The following ROBO2 variants were observed in gnomAD, a reference collection of about 807,000 sequenced individuals.
ROBO2 encodes roundabout guidance receptor 2.
Under a neutral mutation model 160.8 loss-of-function variants are expected in ROBO2, and 53 were observed. That is an observed-to-expected ratio of 0.33 (90% confidence interval 0.26 to 0.41). The LOEUF is 0.41. Among genes scored for constraint, ROBO2 ranks in the 10% least tolerant of loss-of-function variants. ROBO2 has a pLI of 1.00. For missense variants in ROBO2, 1,577 were observed against 1,722.4 expected (o/e 0.92, Z 1.49); for synonymous variants, 664 against 611.7 (o/e 1.09, Z -1.26).
intron 2 of ROBO2, among the ~76,000 whole-genome samples, chr3:76,106,892 A>G (rs968603796): frequency 6.6e-6 from 1 of 152,106 alleles, no homozygotes; most frequent in East Asian, 1.9e-4. Flanking sequence ...TGCTACCACA[A>G]GGGGTACTCT....
At chr3:76,237,190 C>G (rs915451452) in intron 2 of ROBO2, among the ~76,000 whole-genome samples, 6 of 152,024 alleles carry the variant, frequency 3.9e-5, no homozygotes, top group Admixed American at 3.3e-4. Flanking sequence ...TTTCCATACT[C>G]AAACAATGTA....
intron 3 of ROBO2, among the ~76,000 whole-genome samples, chr3:77,479,424 C>A (rs1173872890): frequency 6.6e-6 from 1 of 152,112 alleles, no homozygotes; most frequent in Non-Finnish European, 1.5e-5. Context: ...GAGAGCTTCC[C>A]TCTCTGTTCT....
chr3:77,434,419 C>T (rs946705003), intron 2 of ROBO2, among the ~76,000 whole-genome samples: 1 of 152,082 alleles, frequency 6.6e-6, no homozygotes, highest in African/African-American at 2.4e-5. Flanking sequence ...TCTAGAAAGA[C>T]AAGAGCTGTA....
At chr3:77,287,267 T>A (rs1358523864) in intron 2 of ROBO2, among the ~76,000 whole-genome samples, 1 of 152,124 alleles carries the variant, frequency 6.6e-6, no homozygotes, top group African/African-American at 2.4e-5. Flanking sequence ...AAAAATCTTA[T>A]AGCGTAGAAT....
chr3:76,024,649 G>T (rs952304771), intron 2 of ROBO2, among the ~76,000 whole-genome samples: 7 of 151,584 alleles, frequency 4.6e-5, no homozygotes, highest in Non-Finnish European at 1.0e-4. Flanking sequence ...TATTTTCTTT[G>T]CAGTTTAAAA....
At position 75,971,371 on chromosome 3, in the gene ROBO2, G is replaced by A. The variant is rs147571136; in HGVS notation, c.109+33769G>A. Among the ~76,000 whole-genome samples, 145 of 151,464 alleles carry A rather than the reference G, an allele frequency of 9.6e-4. 3 individuals carry two copies. The East Asian group carries it at 0.023, about 24-fold the overall frequency. On this transcript the variant is annotated intron_variant, in intron 2 of 26. Transcript: ENST00000487694. The stretch of plus-strand genomic sequence containing the variant: ...TTTAAGTAATATTTGAGTGATGAAG[G>A]CATCAAAAACTTGGAACAAAATAAG...
chr3:77,574,630 C>A, exon 14 of ROBO2: 1 of 1,613,212 alleles, frequency 6.2e-7, no homozygotes, highest in Non-Finnish European at 8.5e-7. Flanking sequence ...TCTTAGTCAA[C>A]CTGAAAAAGG....
intron 2 of ROBO2, among the ~76,000 whole-genome samples, chr3:76,799,710 G>A (rs187063106): frequency 2.6e-5 from 4 of 152,054 alleles, no homozygotes; most frequent in African/African-American, 9.6e-5. Context: ...ATTTAGGCAA[G>A]AAATAGAAAT....
chr3:77,188,502 G>C (rs1248490816), intron 2 of ROBO2, among the ~76,000 whole-genome samples: 1 of 151,682 alleles, frequency 6.6e-6, no homozygotes, highest in East Asian at 1.9e-4. Context: ...TTGCTTCCTG[G>C]GTTTGTCTTA....
intron 2 of ROBO2, among the ~76,000 whole-genome samples, chr3:76,118,392 A>G (rs1488946280): frequency 6.6e-6 from 1 of 152,206 alleles, no homozygotes; most frequent in Non-Finnish European, 1.5e-5. Context: ...TACTTTGAAA[A>G]TAGCTCACTA....
chr3:77,635,071 C>T lies in ROBO2; in HGVS notation c.3934+28C>T, dbSNP rs3821735. Reference sequence around the variant, plus strand: ...AGGTTTCTTCCCTTTACTCTTGTTTCCTCGCTGAAGAGACGTGCTCCATGC... The same window carrying T: ...AGGTTTCTTCCCTTTACTCTTGTTTTCTCGCTGAAGAGACGTGCTCCATGC... On this transcript the variant is annotated intron_variant, in intron 24 of 25. Transcript: ENST00000461745. The T allele has an allele frequency of 0.071, 114,438 of 1,610,476 alleles. 5,924 individuals are homozygous for T. The highest frequency in any genetic ancestry group is 0.23 in the African/African-American group (17,533 of 74,912).
chr3:76,656,087 C>T (rs2091509270), intron 2 of ROBO2, among the ~76,000 whole-genome samples: 1 of 152,036 alleles, frequency 6.6e-6, no homozygotes, highest in Non-Finnish European at 1.5e-5. Context: ...TAAGCAAAAA[C>T]AGCCAAGAGC....
chr3:75,941,053 T>G (rs1948032300), intron 2 of ROBO2, among the ~76,000 whole-genome samples: 1 of 152,164 alleles, frequency 6.6e-6, no homozygotes, highest in Non-Finnish European at 1.5e-5. Flanking sequence ...AGCCTCCTGG[T>G]AGCTATGACC....
chr3:77,024,925 G>T (rs2062866534), intron 2 of ROBO2, among the ~76,000 whole-genome samples: 1 of 151,794 alleles, frequency 6.6e-6, no homozygotes, highest in Non-Finnish European at 1.5e-5. Context: ...ATGACCATTA[G>T]CCTGACCTTT....
At chr3:75,909,290 T>G (rs912293481) in intron 1 of ROBO2, among the ~76,000 whole-genome samples, 7 of 152,178 alleles carry the variant, frequency 4.6e-5, no homozygotes, top group South Asian at 4.1e-4. Flanking sequence ...AAAGAGAGTT[T>G]GTGAGTTTTT....
At chr3:76,064,384 G>T (rs1204190193) in intron 2 of ROBO2, among the ~76,000 whole-genome samples, 1 of 152,134 alleles carries the variant, frequency 6.6e-6, no homozygotes, top group African/African-American at 2.4e-5. Context: ...ATTATAGATG[G>T]TTGCCTTCAA....
chr3:77,035,391 A>G (rs1347921695), upstream of ROBO2, among the ~76,000 whole-genome samples: 1 of 151,896 alleles, frequency 6.6e-6, no homozygotes, highest in Non-Finnish European at 1.5e-5. Context: ...TTCAATAGTT[A>G]TGTTAATTTG....
chr3:77,269,428 T>C (rs2059346186), intron 2 of ROBO2, among the ~76,000 whole-genome samples: 1 of 152,206 alleles, frequency 6.6e-6, no homozygotes, highest in Non-Finnish European at 1.5e-5. Context: ...CCTTTAGGCT[T>C]TGGTACCTTT....
chr3:77,628,481 C>G (rs1165907510), intron 23 of ROBO2, among the ~76,000 whole-genome samples: 4 of 151,248 alleles, frequency 2.6e-5, no homozygotes, highest in Non-Finnish European at 5.9e-5. Flanking sequence ...AAATCTTCAG[C>G]TCATTGCTCT....
Sources: allele counts gnomAD v4.1 joint callset (sites outside exome capture counted in the v4.1 genomes callset), GRCh38; gene constraint gnomAD v4.1.1; transcripts MANE v1.5; gene names NCBI Gene and HGNC (gene_info 2026-07-23, HGNC 2026-07-21).